Variants in SRRM4 observed in about 807,000 individuals in gnomAD.
The protein encoded by SRRM4 is serine/arginine repetitive matrix 4, also known as serine/arginine repetitive matrix protein 4.
Under a neutral mutation model 68.9 loss-of-function variants are expected in SRRM4, and 33 were observed. The ratio of observed to expected loss-of-function variants is 0.48; its 90% confidence interval spans 0.36 to 0.64. SRRM4 has a LOEUF of 0.64. Among genes scored for constraint, SRRM4 ranks in the 30% least tolerant of loss-of-function variants. The pLI, the probability that SRRM4 is intolerant of heterozygous loss-of-function variation, is 0.00. For missense variants in SRRM4, 817 were observed against 827.1 expected, an observed-to-expected ratio of 0.99 and a Z score of 0.15; for synonymous variants, 318 against 318.8, an observed-to-expected ratio of 1.00 and a Z score of 0.03.
intron 9 of SRRM4, among the ~76,000 whole-genome samples, chr12:119,147,374 T>A (rs929001691): frequency 6.6e-6 from 1 of 152,202 alleles, no homozygotes; most frequent in African/African-American, 2.4e-5. Flanking sequence ...TGTGTGACAC[T>A]ACAATGGTGG....
chr12:119,038,746 C>A (rs543290868), intron 1 of SRRM4, among the ~76,000 whole-genome samples: 1 of 152,248 alleles, frequency 6.6e-6, no homozygotes, highest in East Asian at 1.9e-4. Flanking sequence ...TGGGGTGCTA[C>A]AAGGGGGTTC....
chr12:119,014,874 C>G (rs1364563103), intron 1 of SRRM4, among the ~76,000 whole-genome samples: 3 of 152,176 alleles, frequency 2.0e-5, no homozygotes, highest in Non-Finnish European at 4.4e-5. Context: ...TACACCCCTT[C>G]TAGCTTGGAG....
At chr12:119,067,422 C>T (rs1342273209) in intron 1 of SRRM4, among the ~76,000 whole-genome samples, 2 of 152,100 alleles carry the variant, frequency 1.3e-5, no homozygotes, top group African/African-American at 4.8e-5. Context: ...GTCAATAAGC[C>T]TTGGCAGGGT....
At chr12:119,108,703 C>G (rs149379399) in intron 2 of SRRM4, among the ~76,000 whole-genome samples, 6,737 of 151,880 alleles carry the variant, frequency 0.044, 257 homozygotes, top group Non-Finnish European at 0.063. Flanking sequence ...TTATTTTGAG[C>G]CTATGTGTGT....
At chr12:118,998,086 C>T (rs1459077591) in intron 1 of SRRM4, among the ~76,000 whole-genome samples, 1 of 152,018 alleles carries the variant, frequency 6.6e-6, no homozygotes, top group Non-Finnish European at 1.5e-5. Context: ...AGAGGCACAT[C>T]AATCCGGATC....
At chr12:118,991,934 C>T (rs909775613) in intron 1 of SRRM4, 5 of 152,116 alleles carry the variant, frequency 3.3e-5, no homozygotes, top group South Asian at 4.1e-4. Flanking sequence ...GCTAACAGGA[C>T]CTTAGGGATC....
chr12:119,039,004 C>T (rs12580179), intron 1 of SRRM4, among the ~76,000 whole-genome samples: 19,192 of 152,206 alleles, frequency 0.13, 1,305 homozygotes, highest in East Asian at 0.26. Context: ...CACATTTCAA[C>T]GCTCAAAATG....
chr12:119,160,813 T>A lies in SRRM4; in HGVS notation c.*4015T>A, dbSNP rs1954508599. ...AACATTTTTAGGAGGTTGTCCATCA[T>A]GAAAGTAAAAACGAAAAGCAAGATT... On this transcript the variant is annotated 3_prime_UTR_variant, in exon 13 of 13. Coordinates refer to ENST00000267260, the MANE Select transcript of SRRM4 (RefSeq NM_194286.4). The A allele has an allele frequency of 1.3e-5, 2 of 152,214 alleles. No homozygotes were observed. Among genetic ancestry groups the A allele is most frequent in the African/African-American group, 2.4e-5 (1 of 41,454 alleles). The allele number at this position is 152,214 out of a possible 1,614,324, so 9.4% of individuals were successfully genotyped here.
At chr12:119,027,146 G>A (rs149575137) in intron 1 of SRRM4, among the ~76,000 whole-genome samples, 2,163 of 152,208 alleles carry the variant, frequency 0.014, 26 homozygotes, top group South Asian at 0.05. Context: ...AAGAACAGGA[G>A]AGAAAAAAAG....
At chr12:119,058,986 G>T (rs1213699757) in intron 1 of SRRM4, among the ~76,000 whole-genome samples, 1 of 152,064 alleles carries the variant, frequency 6.6e-6, no homozygotes, top group Non-Finnish European at 1.5e-5. Context: ...TTCAAATCCT[G>T]CAATTACCTC....
At chr12:119,151,313 C>A in intron 10 of SRRM4, 93 bp downstream of exon 10, 1 of 1,206,260 alleles carries the variant, frequency 8.3e-7, no homozygotes, top group Non-Finnish European at 1.2e-6. Flanking sequence ...GGAGAGAAGT[C>A]AGACGGACTT....
intron 9 of SRRM4, among the ~76,000 whole-genome samples, chr12:119,148,232 C>T (rs1431875838): frequency 6.6e-6 from 1 of 152,190 alleles, no homozygotes; most frequent in Admixed American, 6.5e-5. Flanking sequence ...TTGTCCCTAA[C>T]ACATACCCCA....
intron 1 of SRRM4, among the ~76,000 whole-genome samples, chr12:119,067,150 A>AT (rs11430947): frequency 0.55 from 81,554 of 148,444 alleles, 23,018 homozygotes; most frequent in Middle Eastern, 0.65. Context: ...ACTTTCCTTC[A>AT]TTTTTTTTTT....
intron 1 of SRRM4, among the ~76,000 whole-genome samples, chr12:119,039,365 G>A (rs543785731): frequency 1.3e-5 from 2 of 152,200 alleles, no homozygotes; most frequent in Non-Finnish European, 2.9e-5. Flanking sequence ...GTCCCTGAGT[G>A]ATGGAATTAT....
intron 1 of SRRM4, among the ~76,000 whole-genome samples, chr12:119,070,202 T>G (rs888247066): frequency 7.5e-6 from 1 of 133,242 alleles, no homozygotes; most frequent in Non-Finnish European, 1.6e-5. Flanking sequence ...TCCAGAAGCT[T>G]CTTCACACAG....
At chr12:119,111,930 C>T (rs529709013) in intron 2 of SRRM4, among the ~76,000 whole-genome samples, 31 of 152,104 alleles carry the variant, frequency 2.0e-4, no homozygotes, top group African/African-American at 7.5e-4. Context: ...CCTGTAGTCC[C>T]AGCTACTAGG....
At chr12:119,015,711 T>C (rs1489358047) in intron 1 of SRRM4, among the ~76,000 whole-genome samples, 1 of 152,204 alleles carries the variant, frequency 6.6e-6, no homozygotes, top group Non-Finnish European at 1.5e-5. Flanking sequence ...CAGGTTGTTT[T>C]CAGGATTTTT....
intron 10 of SRRM4, 88 bp downstream of exon 10, chr12:119,151,308 G>A (rs1443623741): frequency 2.5e-5 from 31 of 1,239,554 alleles, no homozygotes; most frequent in Non-Finnish European, 8.3e-6. Flanking sequence ...ATGGGGGAGA[G>A]AAGTCAGACG....
chr12:119,154,185 C>G lies in SRRM4; in HGVS notation c.1392-58C>G, dbSNP rs1278918540. 8.6e-6 allele frequency: 13 copies of G among 1,506,816 alleles called. No individual in the cohort carries two copies. Among genetic ancestry groups the G allele is most frequent in the Non-Finnish European group, 1.2e-5 (13 of 1,106,780 alleles). 93.3% of individuals were successfully genotyped at this position (1,506,816 alleles called of 1,614,324 possible). ...AAAGGGAGTGTCCCTCTCCCACGCG[C>G]TCACGCAGAAAATCCAGCCCAGCCC... On this transcript the variant is annotated intron_variant, in intron 11 of 12. Coordinates refer to ENST00000267260, the MANE Select transcript of SRRM4 (RefSeq NM_194286.4). This position sits in a 1 kb window ranked among gnomAD's most constrained non-coding sequence, Gnocchi z 4.7.
Sources: allele counts gnomAD v4.1 joint callset (sites outside exome capture counted in the v4.1 genomes callset), GRCh38; gene constraint gnomAD v4.1.1; non-coding constraint Gnocchi (gnomAD v3.1); transcripts MANE v1.5; gene names NCBI Gene and HGNC (gene_info 2026-07-23, HGNC 2026-07-21).